BBS9: variants seen among roughly 807,000 people sequenced by gnomAD.
The protein encoded by BBS9 is Bardet-Biedl syndrome 9.
BBS9 carries 89 observed loss-of-function variants against 117.7 expected under a neutral mutation model. The observed-to-expected ratio is 0.76, with a 90% CI of 0.64 to 0.90. The LOEUF is 0.90. BBS9 is among the 40% of genes least tolerant of loss of function. The probability of loss-of-function intolerance (pLI) is 0.00; values close to 1 mark genes in which losing one functional copy is unlikely to be tolerated. For synonymous variants in BBS9, 379 were observed against 370.9 expected (o/e 1.02, Z -0.25); for missense variants, 982 against 1,042.2 (o/e 0.94, Z 0.80).
intron 9 of BBS9, among the ~76,000 whole-genome samples, chr7:33,333,105 T>C (rs1456459063): frequency 6.6e-6 from 1 of 152,168 alleles, no homozygotes; most frequent in African/African-American, 2.4e-5. Flanking sequence ...TGGTTTTTGC[T>C]TACATGGATA....
intron 21 of BBS9, among the ~76,000 whole-genome samples, chr7:33,614,263 C>T (rs1042530931): frequency 3.3e-5 from 5 of 152,002 alleles, no homozygotes; most frequent in Non-Finnish European, 5.9e-5. Context: ...TTAAAAATAT[C>T]AGAAGTTAAC....
At chr7:33,141,488 CCTGA>C in intron 1 of BBS9, among the ~76,000 whole-genome samples, 1 of 152,290 alleles carries the variant, frequency 6.6e-6, no homozygotes, top group South Asian at 2.1e-4. Flanking sequence ...ACCTCAGACT[CCTGA>C]CAGTAGTTGG....
intron 21 of BBS9, among the ~76,000 whole-genome samples, chr7:33,547,005 C>T (rs1053570780): frequency 1.3e-5 from 2 of 152,104 alleles, no homozygotes; most frequent in Non-Finnish European, 2.9e-5. Flanking sequence ...ATAGTTCATG[C>T]CCACCATGTA....
At chr7:33,416,792 G>A (rs1024395817) in intron 19 of BBS9, among the ~76,000 whole-genome samples, 1 of 152,160 alleles carries the variant, frequency 6.6e-6, no homozygotes, top group East Asian at 1.9e-4. Context: ...TCACATGGAG[G>A]CAGTGGAGGA....
intron 5 of BBS9, among the ~76,000 whole-genome samples, chr7:33,200,632 A>G (rs776251194): frequency 1.3e-5 from 2 of 152,056 alleles, no homozygotes; most frequent in Non-Finnish European, 2.9e-5. Flanking sequence ...TTTCACTCAT[A>G]TTATTGAATC....
At position 33,273,899 on chromosome 7, in the gene BBS9, T is replaced by C; in HGVS notation, c.959T>C (p.Leu320Pro). 4 of 1,613,106 alleles carry C rather than the reference T, an allele frequency of 2.5e-6. No homozygotes were observed. The highest frequency in any genetic ancestry group is 2.2e-5 in the South Asian group (2 of 91,066). Residue 320 changes from leucine (L) to proline (P), a missense_variant, in exon 9 of 23, where the codon CTG becomes CCG. Coordinates refer to ENST00000242067, the MANE Select transcript of BBS9 (RefSeq NM_198428.3). ...CTGCATATTTATCAAGATGTGACAC[T>C]GAAGTGGGCCACCCAACTTCCCCAC... is the stretch of plus-strand genomic sequence containing the variant. ...NMLHIYQDVTLKWATQLPHIP... is the reference protein window; with the variant it reads ...NMLHIYQDVTPKWATQLPHIP...
chr7:33,378,533 C>T (rs201282930), intron 17 of BBS9, among the ~76,000 whole-genome samples: 7 of 152,108 alleles, frequency 4.6e-5, no homozygotes, highest in African/African-American at 1.2e-4. Flanking sequence ...ATGGGCCTTT[C>T]GGAGAGCTCA....
chr7:33,383,201 A>C (rs951885523), intron 17 of BBS9, among the ~76,000 whole-genome samples: 2 of 152,242 alleles, frequency 1.3e-5, no homozygotes, highest in Non-Finnish European at 2.9e-5. Context: ...TTAGAAAAAT[A>C]GAAAGCTTTG....
intron 13 of BBS9, among the ~76,000 whole-genome samples, chr7:33,350,136 A>G (rs1818353468): frequency 6.6e-6 from 1 of 152,114 alleles, no homozygotes. Flanking sequence ...AGATAATCTG[A>G]ACTACCTTTC....
At chr7:33,401,147 A>G (rs1828849668) in intron 19 of BBS9, among the ~76,000 whole-genome samples, 1 of 152,118 alleles carries the variant, frequency 6.6e-6, no homozygotes, top group Non-Finnish European at 1.5e-5. Flanking sequence ...ACCCCATCTC[A>G]TCTAGGACTG....
chr7:33,165,816 C>T (rs191372931), intron 4 of BBS9, among the ~76,000 whole-genome samples: 1 of 152,154 alleles, frequency 6.6e-6, no homozygotes, highest in African/African-American at 2.4e-5. Context: ...TTATTACCGA[C>T]CTTCTGAAGC....
chr7:33,413,068 G>T (rs907785351), intron 19 of BBS9, among the ~76,000 whole-genome samples: 2 of 152,156 alleles, frequency 1.3e-5, no homozygotes, highest in Non-Finnish European at 2.9e-5. Context: ...AATTTTTCTG[G>T]ACTCCTCTTA....
chr7:33,369,092 T>TA (rs777354588), intron 17 of BBS9, among the ~76,000 whole-genome samples: 4 of 152,214 alleles, frequency 2.6e-5, no homozygotes, highest in Non-Finnish European at 5.9e-5. Context: ...TTCAAATGTA[T>TA]AGTTCAATAT....
intron 19 of BBS9, among the ~76,000 whole-genome samples, chr7:33,416,822 T>C (rs1370398961): frequency 6.6e-6 from 1 of 152,212 alleles, no homozygotes; most frequent in Non-Finnish European, 1.5e-5. Context: ...TTGTCTCCTT[T>C]TAGTGAGCAA....
chr7:33,442,409 C>T (rs1167055860), intron 19 of BBS9, among the ~76,000 whole-genome samples: 1 of 152,056 alleles, frequency 6.6e-6, no homozygotes, highest in Non-Finnish European at 1.5e-5. Context: ...TTGTAGAATA[C>T]AGATATGAAC....
chr7:33,244,964 C>T (rs184218930), intron 5 of BBS9, among the ~76,000 whole-genome samples: 2 of 152,182 alleles, frequency 1.3e-5, no homozygotes, highest in East Asian at 3.9e-4. Context: ...TAATTAGTGC[C>T]CCTTTTTGGT....
At chr7:33,618,637 TTA>T (rs1865260195) in intron 21 of BBS9, among the ~76,000 whole-genome samples, 14 of 152,162 alleles carry the variant, frequency 9.2e-5, no homozygotes, top group Admixed American at 9.2e-4. Context: ...GGAGGATCAC[TTA>T]AGCCCAGGAG....
At chr7:33,473,674 G>A (rs1041494117) in intron 19 of BBS9, among the ~76,000 whole-genome samples, 2 of 152,080 alleles carry the variant, frequency 1.3e-5, no homozygotes, top group Non-Finnish European at 2.9e-5. Flanking sequence ...TAAAATCATT[G>A]TATTTGCATG....
intron 4 of BBS9, among the ~76,000 whole-genome samples, chr7:33,157,126 A>G (rs1414782594): frequency 6.6e-6 from 1 of 152,144 alleles, no homozygotes; most frequent in Non-Finnish European, 1.5e-5. Flanking sequence ...GTATCTTAGA[A>G]GCTAGAAATT....
Sources: gnomAD v4.1 joint callset for allele counts (sites outside exome capture counted in the v4.1 genomes callset) on GRCh38, gnomAD v4.1.1 for gene constraint, MANE v1.5 for transcripts, NCBI Gene and HGNC (gene_info 2026-07-23, HGNC 2026-07-21) for gene names.